Variants in ACER3 observed in about 807,000 individuals in gnomAD.
ACER3 encodes the protein alkCDase 3.
In ACER3, 16 loss-of-function variants were observed where a neutral mutation model predicts 48.9. That is an observed-to-expected ratio of 0.33 (90% CI 0.22 to 0.50). ACER3 has a LOEUF of 0.50. Ranked by LOEUF, ACER3 falls within the 20% of genes least tolerant of loss-of-function variation. The pLI, the probability that ACER3 is intolerant of heterozygous loss-of-function variation, is 0.98. For missense variants in ACER3, 227 were observed against 326.0 expected (o/e 0.70, Z 2.34); for synonymous variants, 109 against 107.8 (o/e 1.01, Z -0.07).
At chr11:76,901,270 T>TAAA (rs35531620) in intron 1 of ACER3, among the ~76,000 whole-genome samples, 1 of 146,084 alleles carries the variant, frequency 6.8e-6, no homozygotes. Context: ...GTCCAACATT[T>TAAA]AAAAAAAAAA....
rs548551065 is a variant in ACER3, at chr11:76,971,330, A to G, written c.268-4959A>G. Among the ~76,000 whole-genome samples the G allele has an allele frequency of 2.6e-5, 4 of 152,260 alleles. No individual in the cohort carries two copies. In the South Asian group the frequency reaches 8.3e-4, roughly 32 times the overall value. The stretch of plus-strand genomic sequence containing the variant: ...GCCGAGGTGGGTGGATCACGAGGTC[A>G]AGAGATCAAGACCATCCTGGCCAAC... On this transcript the variant is annotated intron_variant, in intron 3 of 10. Coordinates refer to ENST00000532485, the MANE Select transcript of ACER3 (RefSeq NM_018367.7).
At position 76,864,600 on chromosome 11, in the gene ACER3, T is replaced by TTTTTTTC. The variant is rs1315198459; in HGVS notation, c.103+3527_103+3528insCTTTTTT. Among the ~76,000 whole-genome samples the TTTTTTTC allele has an allele frequency of 2.4e-4, 33 of 136,714 alleles. 1 individual carries two copies. Among genetic ancestry groups the TTTTTTTC allele is most frequent in the Non-Finnish European group, 3.2e-4 (20 of 62,314 alleles). 89.7% of individuals were successfully genotyped at this position (136,714 alleles called of 152,430 possible). The stretch of plus-strand genomic sequence containing the variant: ...AACTCATAATATGGAATGGGTATTT[T>TTTTTTTC]TTTTTTTTTTTTTTTTTGAGGTAGA... On this transcript the variant is annotated intron_variant, in intron 1 of 10. Transcript: ENST00000532485.
chr11:76,997,126 A>G (rs1174877815), intron 6 of ACER3, among the ~76,000 whole-genome samples: 1 of 152,092 alleles, frequency 6.6e-6, no homozygotes, highest in Non-Finnish European at 1.5e-5. Flanking sequence ...TATTCCAACA[A>G]TATACTATAA....
At chr11:77,000,744 G>A (rs1949016517) in intron 7 of ACER3, among the ~76,000 whole-genome samples, 1 of 152,106 alleles carries the variant, frequency 6.6e-6, no homozygotes, top group Non-Finnish European at 1.5e-5. Context: ...CTGTTTTAGG[G>A]ATCTCAGTTA....
intron 3 of ACER3, among the ~76,000 whole-genome samples, chr11:76,960,353 A>G (rs1303011496): frequency 1.3e-5 from 2 of 151,926 alleles, no homozygotes; most frequent in Non-Finnish European, 2.9e-5. Context: ...AGATCGCAGT[A>G]AGCCAAGATC....
At chr11:76,944,789 A>T (rs1434511105) in intron 2 of ACER3, among the ~76,000 whole-genome samples, 1 of 152,086 alleles carries the variant, frequency 6.6e-6, no homozygotes, top group Admixed American at 6.6e-5. Flanking sequence ...TATTTCCTTA[A>T]ATATGTTTTC....
chr11:76,956,516 G>A (rs971623104), intron 2 of ACER3, among the ~76,000 whole-genome samples: 3 of 152,072 alleles, frequency 2.0e-5, no homozygotes, highest in Non-Finnish European at 4.4e-5. Context: ...TAAAAAGTCA[G>A]ATGTTTAATG....
rs781922345 is a variant in ACER3 at position 77,016,823 on chromosome 11, T to G, written c.704+44T>G. 1.8e-5 allele frequency: 14 copies of G among 758,862 alleles called. No homozygotes were observed. In the Admixed American group the frequency reaches 2.4e-4, roughly 13 times the overall value. The allele number at this position is 758,862 out of a possible 1,614,324, so 47.0% of individuals were successfully genotyped here. ...TTTAGCCTCGTACTAGAGTTTGTTG[T>G]TTTTTTTTTTCTTTACTCTTTAAAT... On this transcript the variant is annotated intron_variant, in intron 9 of 10. Transcript: ENST00000532485.
intron 1 of ACER3, among the ~76,000 whole-genome samples, chr11:76,870,830 TA>T (rs1056382929): frequency 1.3e-5 from 2 of 152,210 alleles, no homozygotes; most frequent in African/African-American, 4.8e-5. Flanking sequence ...TGCATTGATA[TA>T]AAACAAAACA....
intron 1 of ACER3, among the ~76,000 whole-genome samples, chr11:76,871,765 A>G (rs1009600917): frequency 6.6e-6 from 1 of 152,204 alleles, no homozygotes; most frequent in African/African-American, 2.4e-5. Flanking sequence ...TCTCTATAGA[A>G]TGTAAATTTC....
At position 76,968,462 on chromosome 11, in the gene ACER3, C is replaced by G. The variant is rs1727596598; in HGVS notation, c.268-7827C>G. Among the ~76,000 whole-genome samples, 4 of 152,154 alleles carry G rather than the reference C, an allele frequency of 2.6e-5. No individual in the cohort carries two copies. In the South Asian group the frequency reaches 8.3e-4, roughly 32 times the overall value. On this transcript the variant is annotated intron_variant, in intron 3 of 10. Coordinates refer to ENST00000532485, the MANE Select transcript of ACER3 (RefSeq NM_018367.7). ...AATTACTTTAAAGTCCACATGGAACCAAAAAAGAGCCCGCATAGCCAAGTC... is the reference window on the plus strand; with the variant it reads ...AATTACTTTAAAGTCCACATGGAACGAAAAAAGAGCCCGCATAGCCAAGTC...
intron 2 of ACER3, among the ~76,000 whole-genome samples, chr11:76,932,546 T>G (rs1947035534): frequency 6.6e-6 from 1 of 152,176 alleles, no homozygotes; most frequent in Non-Finnish European, 1.5e-5. Flanking sequence ...CATGGACAGA[T>G]CACAATCTGT....
chr11:76,898,489 A>T (rs969382679), intron 1 of ACER3, among the ~76,000 whole-genome samples: 1 of 152,202 alleles, frequency 6.6e-6, no homozygotes, highest in African/African-American at 2.4e-5. Flanking sequence ...CTACAGGTGC[A>T]TGCTGCTATG....
chr11:76,939,143 C>G (rs1284905998), intron 2 of ACER3, among the ~76,000 whole-genome samples: 1 of 151,916 alleles, frequency 6.6e-6, no homozygotes, highest in African/African-American at 2.4e-5. Context: ...GAAGAGAAAG[C>G]TTAAAAAAAG....
At chr11:76,890,471 T>C (rs1945777940) in intron 1 of ACER3, among the ~76,000 whole-genome samples, 2 of 152,224 alleles carry the variant, frequency 1.3e-5, no homozygotes, top group Admixed American at 1.3e-4. Flanking sequence ...TTTTGCCTGT[T>C]TTTCATTATA....
intron 2 of ACER3, among the ~76,000 whole-genome samples, chr11:76,957,211 C>T (rs1947862561): frequency 6.6e-6 from 1 of 151,978 alleles, no homozygotes; most frequent in Non-Finnish European, 1.5e-5. Context: ...ATCTTTGTAC[C>T]TCAGCATCTA....
In ACER3 at chr11:77,023,120, G is replaced by C. The variant is rs1001997931; in HGVS notation, c.*2793G>C. 5.0e-6 allele frequency: 2 copies of C among 398,384 alleles called. No individual in the cohort carries two copies. The highest frequency in any genetic ancestry group is 4.4e-5 in the Admixed American group (1 of 22,704). The allele number at this position is 398,384 out of a possible 1,614,324, so 24.7% of individuals were successfully genotyped here. ...ATGAAACATCCCCACCACCTGAAGTGATCTTTTTAATCCTTGTGATAGTAA... is the reference window on the plus strand; with the variant it reads ...ATGAAACATCCCCACCACCTGAAGTCATCTTTTTAATCCTTGTGATAGTAA... On this transcript the variant is annotated 3_prime_UTR_variant, in exon 11 of 11. Transcript: ENST00000532485.
rs1351429187 is a variant in ACER3, at chr11:76,908,158, C to T, written c.104-18399C>T. ...GGCTGAGGTAGGAGAATCACTTGAA[C>T]CTGGGAGGTGGAGGTTGCAGTGAGC... is the stretch of plus-strand genomic sequence containing the variant. On this transcript the variant is annotated intron_variant, in intron 1 of 10. Coordinates refer to ENST00000532485, the MANE Select transcript of ACER3 (RefSeq NM_018367.7). 2.0e-5 allele frequency among the ~76,000 whole-genome samples: 3 copies of T among 152,204 alleles called. No individual in the cohort carries two copies. In the East Asian group the frequency reaches 5.8e-4, roughly 29 times the overall value.
chr11:76,963,764 G>A (rs1188395467), intron 3 of ACER3, among the ~76,000 whole-genome samples: 1 of 151,444 alleles, frequency 6.6e-6, no homozygotes, highest in Non-Finnish European at 1.5e-5. Flanking sequence ...TCCTTGTCAT[G>A]TGATGCTATA....
Sources: allele counts gnomAD v4.1 joint callset (sites outside exome capture counted in the v4.1 genomes callset), GRCh38; gene constraint gnomAD v4.1.1; transcripts MANE v1.5; gene names NCBI Gene and HGNC (gene_info 2026-07-23, HGNC 2026-07-21).